The following PARVB variants were observed in gnomAD, a reference collection of about 807,000 sequenced individuals.
PARVB encodes the protein beta-parvin.
In PARVB, 46 loss-of-function variants were observed where a neutral mutation model predicts 47.0. The observed-to-expected ratio is 0.98, with a 90% CI of 0.77 to 1.25. The LOEUF (loss-of-function observed/expected upper bound fraction) is 1.25, where lower values mean the gene tolerates loss of function less well. PARVB is among the 50% of genes most tolerant of loss of function. The pLI is 0.00. For synonymous variants in PARVB, 196 were observed against 196.3 expected, an observed-to-expected ratio of 1.00 and a Z score of 0.01; for missense variants, 473 against 471.6, an observed-to-expected ratio of 1.00 and a Z score of -0.03.
At chr22:44,141,181 C>T (rs1046998567) in intron 8 of PARVB, 2 of 152,890 alleles carry the variant, frequency 1.3e-5, no homozygotes, top group East Asian at 1.9e-4. Context: ...TCTGTAACCT[C>T]AAGTTATTAT....
At position 44,119,126 on chromosome 22, in the gene PARVB, T is replaced by C. The variant is rs757301926; in HGVS notation, c.362T>C (p.Leu121Pro). 1 of 1,612,856 alleles carries C rather than the reference T, an allele frequency of 6.2e-7. No individual in the cohort carries two copies. Among genetic ancestry groups the C allele is most frequent in the Admixed American group, 1.7e-5 (1 of 60,026 alleles). ...GAAGACCTGTATGACGGCCAGGTGC[T>C]GCAGAAGCTCTTGGGTGAGTTCACA... is the stretch of plus-strand genomic sequence containing the variant. The part of the protein sequence containing the change: ...LEEDLYDGQV[L>P]QKLLEKLAGC... Residue 121 changes from leucine (L) to proline (P), a missense_variant, in exon 4 of 13, where the codon CTG becomes CCG. Physicochemically the swap from Leu to Pro is moderately conservative, Grantham distance 98. Transcript: ENST00000338758.
At chr22:44,157,508 A>G (rs903794128) in intron 10 of PARVB, among the ~76,000 whole-genome samples, 1 of 152,150 alleles carries the variant, frequency 6.6e-6, no homozygotes, top group Non-Finnish European at 1.5e-5. Context: ...CAGGTCTCAA[A>G]AGACTTCACA....
chr22:44,145,285 G>A (rs1347397164), intron 8 of PARVB: 2 of 152,278 alleles, frequency 1.3e-5, no homozygotes, highest in African/African-American at 4.8e-5. Context: ...GGTGTGAAGT[G>A]GGGCAGCTAG....
chr22:44,151,167 C>G (rs1258366546), intron 9 of PARVB: 1 of 252,088 alleles, frequency 4.0e-6, no homozygotes, highest in Non-Finnish European at 7.8e-6. Context: ...CCTCCCCTGG[C>G]AGTTTCATCT....
intron 1 of PARVB, among the ~76,000 whole-genome samples, chr22:44,066,780 T>TCTTCTCCTCCTCCTCCTTCTCCTCCTC (rs752513022): frequency 1.5e-4 from 7 of 48,116 alleles, no homozygotes; most frequent in South Asian, 5.7e-4. Flanking sequence ...CTTAATTATT[T>TCTTCTCCTCCTCCTCCTTCTCCTCCTC]CTCCTCCTCC....
intron 10 of PARVB, among the ~76,000 whole-genome samples, chr22:44,154,998 CTGTG>C (rs1406862189): frequency 1.2e-5 from 1 of 86,218 alleles, no homozygotes; most frequent in Non-Finnish European, 2.1e-5. Context: ...TTTTTGTAGT[CTGTG>C]TGGTGTGTGT....
chr22:44,138,034 A>G (rs1190259902), intron 7 of PARVB, among the ~76,000 whole-genome samples: 2 of 152,162 alleles, frequency 1.3e-5, no homozygotes, highest in Non-Finnish European at 2.9e-5. Context: ...CCATAAAACT[A>G]GAATGGTCCA....
chr22:44,128,449 G>A (rs2053239665), intron 4 of PARVB, among the ~76,000 whole-genome samples: 1 of 152,180 alleles, frequency 6.6e-6, no homozygotes, highest in Non-Finnish European at 1.5e-5. Context: ...CCCGCCAGTG[G>A]GCACAGTGAT....
chr22:44,158,246 A>G (rs532749078), intron 11 of PARVB, among the ~76,000 whole-genome samples, 163 bp downstream of exon 11: 2 of 152,378 alleles, frequency 1.3e-5, no homozygotes, highest in Admixed American at 1.3e-4. Flanking sequence ...AGCAAAAGAA[A>G]TAAGAAGCCC....
chr22:44,166,063 T>C (rs2054160550), intron 12 of PARVB, among the ~76,000 whole-genome samples: 1 of 152,208 alleles, frequency 6.6e-6, no homozygotes, highest in African/African-American at 2.4e-5. Context: ...TGGTGGCCCT[T>C]TGCCTCTGAG....
chr22:44,156,440 C>G (rs549519213), intron 10 of PARVB, among the ~76,000 whole-genome samples: 1 of 151,910 alleles, frequency 6.6e-6, no homozygotes, highest in Non-Finnish European at 1.5e-5. Flanking sequence ...CCACCACACC[C>G]GCTAATTTTT....
rs189927099 is a variant in PARVB, at chr22:44,061,534, T to G, written c.113-32394T>G. On this transcript the variant is annotated intron_variant, in intron 1 of 12. Transcript: ENST00000338758. ...ACATGGCATTAAATAGACCATGAAA[T>G]GGACACTTGTTTATGATGTGAGACC... Among the ~76,000 whole-genome samples the G allele has an allele frequency of 2.1e-3, 314 of 152,138 alleles. 1 individual carries two copies. Among genetic ancestry groups the G allele is most frequent in the Non-Finnish European group, 3.7e-3 (250 of 68,010 alleles).
intron 4 of PARVB, among the ~76,000 whole-genome samples, chr22:44,120,113 A>G (rs1261575080): frequency 1.3e-5 from 2 of 152,242 alleles, no homozygotes; most frequent in South Asian, 4.1e-4. Flanking sequence ...CCTGGCCCCA[A>G]GCATAGCTCT....
Position 44,159,035 on chromosome 22 carries a change from T to C in PARVB, c.945+952T>C, listed in dbSNP as rs1341187311. Among the ~76,000 whole-genome samples the C allele has an allele frequency of 3.9e-5, 6 of 152,072 alleles. No homozygotes were observed. The East Asian group carries it at 9.7e-4, about 25-fold the overall frequency. Reference sequence around the variant, plus strand: ...ATGGAATCAGGACAGATTAGAGAGGTCTTGGCACATGGAGTCCATGTTGAA... The same window carrying C: ...ATGGAATCAGGACAGATTAGAGAGGCCTTGGCACATGGAGTCCATGTTGAA... On this transcript the variant is annotated intron_variant, in intron 11 of 12. Coordinates refer to ENST00000338758, the MANE Select transcript of PARVB (RefSeq NM_013327.5).
intron 3 of PARVB, chr22:44,113,549 C>A (rs71328673): frequency 1.7e-5 from 1 of 57,702 alleles, no homozygotes; most frequent in African/African-American, 1.0e-4. Flanking sequence ...TAAGGCCCTG[C>A]ACCAACACAG....
upstream of PARVB, among the ~76,000 whole-genome samples, chr22:44,020,021 C>T (rs145000992): frequency 8.4e-4 from 128 of 152,222 alleles, 1 homozygote; most frequent in African/African-American, 2.8e-3. Flanking sequence ...CTGTGATGAA[C>T]GGGCTGAGGA....
chr22:44,032,848 C>A (rs2050849405), intron 1 of PARVB, among the ~76,000 whole-genome samples: 1 of 152,154 alleles, frequency 6.6e-6, no homozygotes, highest in Admixed American at 6.5e-5. Context: ...CAGTCAGCCA[C>A]ACTACCAGTG....
chr22:44,061,487 A>G (rs1206939079), intron 1 of PARVB, among the ~76,000 whole-genome samples: 1 of 152,144 alleles, frequency 6.6e-6, no homozygotes, highest in Non-Finnish European at 1.5e-5. Context: ...AGTCACCAAC[A>G]AATAGCAGAA....
At chr22:44,101,605 G>A (rs921501580) in intron 3 of PARVB, among the ~76,000 whole-genome samples, 1 of 151,712 alleles carries the variant, frequency 6.6e-6, no homozygotes, top group Non-Finnish European at 1.5e-5. Context: ...CAAAAAATTT[G>A]CCGGGCATGG....
Sources: gnomAD v4.1 joint callset for allele counts (sites outside exome capture counted in the v4.1 genomes callset) on GRCh38, gnomAD v4.1.1 for gene constraint, MANE v1.5 for transcripts, NCBI Gene and HGNC (gene_info 2026-07-23, HGNC 2026-07-21) for gene names.